Variants in CLIP1 observed in about 807,000 individuals in gnomAD.
CLIP1 encodes CAP-Gly domain containing linker protein 1.
In CLIP1, 66 loss-of-function variants were observed where a neutral mutation model predicts 161.6. The observed-to-expected ratio is 0.41, with a 90% CI of 0.33 to 0.50. CLIP1 has a LOEUF of 0.50. CLIP1 is among the 20% of genes least tolerant of loss of function. The probability of loss-of-function intolerance (pLI) is 0.27; values close to 1 mark genes in which losing one functional copy is unlikely to be tolerated. For missense variants in CLIP1, 1,376 were observed against 1,702.0 expected (o/e 0.81, Z 3.37); for synonymous variants, 598 against 626.2 (o/e 0.96, Z 0.67).
chr12:122,355,263 G>A lies in CLIP1; in HGVS notation c.1055C>T (p.Ala352Val). ...RYARKISGTT[A>V]LQEALKEKQQ... Reference sequence around the variant, plus strand: ...CTTCTCCTTCAGGGCCTCCTGGAGGGCAGTGGTACCGGAGATCTTCCTGGC... The same window carrying A: ...CTTCTCCTTCAGGGCCTCCTGGAGGACAGTGGTACCGGAGATCTTCCTGGC... The change falls in exon 6 of 26, where the codon GCC (alanine) becomes GTC (valine). Residue 352 changes from alanine (A) to valine (V), a missense_variant. Physicochemically the swap from Ala to Val is moderately conservative, Grantham distance 64. Around this residue, in one of 6 missense-constraint regions of CLIP1, gnomAD observed 211 missense variants for 295.1 expected, o/e 0.72. Transcript: ENST00000620786. This position sits in a 1 kb window ranked among gnomAD's most constrained non-coding sequence, Gnocchi z 4.1. 1 of 1,614,162 alleles carries A rather than the reference G, an allele frequency of 6.2e-7. No individual in the cohort carries two copies. Among genetic ancestry groups the A allele is most frequent in the South Asian group, 1.1e-5 (1 of 91,092 alleles).
chr12:122,286,895 G>A (rs567786853), intron 21 of CLIP1, among the ~76,000 whole-genome samples: 12 of 152,274 alleles, frequency 7.9e-5, no homozygotes, highest in Non-Finnish European at 1.3e-4. Flanking sequence ...CTACTCAGGA[G>A]GGGGAGGCAG....
At chr12:122,374,681 G>C (rs889259791) in intron 3 of CLIP1, among the ~76,000 whole-genome samples, 3 of 152,042 alleles carry the variant, frequency 2.0e-5, no homozygotes, top group Admixed American at 2.0e-4. Flanking sequence ...AGAACTGCTT[G>C]AACCCAGGAG....
At chr12:122,405,438 T>C (rs549785249) in intron 1 of CLIP1, among the ~76,000 whole-genome samples, 2 of 152,282 alleles carry the variant, frequency 1.3e-5, no homozygotes, top group East Asian at 3.9e-4. Flanking sequence ...CACGATATAT[T>C]ATATATAACT....
intron 1 of CLIP1, among the ~76,000 whole-genome samples, chr12:122,420,731 T>G (rs533461806): frequency 1.6e-4 from 25 of 151,722 alleles, no homozygotes; most frequent in Admixed American, 5.3e-4. Context: ...AGCCCAGGAG[T>G]TCGAAATCAG....
rs994724464 is a variant in CLIP1 at position 122,319,136 on chromosome 12, C to A, written c.3366+96G>T. On this transcript the variant is annotated intron_variant, in intron 18 of 25. Coordinates refer to ENST00000620786, the MANE Select transcript of CLIP1 (RefSeq NM_001247997.2). ...CATTTCAAACCTGTGTAAAGTCACA[C>A]ACTTCAAAAACATAAGCAATCCTGA... 6 of 816,674 alleles carry A rather than the reference C, an allele frequency of 7.3e-6. No individual in the cohort carries two copies. In the Admixed American group the frequency reaches 1.1e-4, roughly 15 times the overall value. The allele number at this position is 816,674 out of a possible 1,614,324, so 50.6% of individuals were successfully genotyped here. A position where few individuals can be genotyped will look rare whatever the true frequency, so the allele number is the denominator to read the frequency against.
chr12:122,295,774 T>A (rs1234809669), intron 20 of CLIP1, among the ~76,000 whole-genome samples: 1 of 152,264 alleles, frequency 6.6e-6, no homozygotes, highest in Non-Finnish European at 1.5e-5. Flanking sequence ...TTTTGCTTCA[T>A]GTATTTCGGG....
chr12:122,353,723 C>T (rs1189105126), intron 7 of CLIP1, among the ~76,000 whole-genome samples: 2 of 152,066 alleles, frequency 1.3e-5, no homozygotes, highest in African/African-American at 2.4e-5. Flanking sequence ...CTCTGCCACC[C>T]GGGTTCAAGC....
intron 1 of CLIP1, among the ~76,000 whole-genome samples, chr12:122,418,105 T>C (rs1956816085): frequency 6.6e-6 from 1 of 152,150 alleles, no homozygotes; most frequent in Admixed American, 6.6e-5. Context: ...ACAATAAATT[T>C]ACTTTTTGTT....
intron 11 of CLIP1, among the ~76,000 whole-genome samples, chr12:122,338,889 T>C (rs1362203258): frequency 6.6e-6 from 1 of 152,214 alleles, no homozygotes; most frequent in Non-Finnish European, 1.5e-5. Context: ...TTGAGAAAAA[T>C]TTCCTGTAAC....
At chr12:122,319,985 T>C (rs534661677) in intron 17 of CLIP1, among the ~76,000 whole-genome samples, 83 of 152,208 alleles carry the variant, frequency 5.5e-4, no homozygotes, top group African/African-American at 1.9e-3. Context: ...TATAAAAAGT[T>C]AGATATAGGC....
intron 20 of CLIP1, among the ~76,000 whole-genome samples, chr12:122,306,567 A>T (rs1175219718): frequency 6.6e-6 from 1 of 152,200 alleles, no homozygotes; most frequent in African/African-American, 2.4e-5. Flanking sequence ...AGGTCAGGGC[A>T]CTGCAGAGCC....
chr12:122,333,167 A>C, intron 14 of CLIP1, 24 bp from the exon 15 acceptor site: 1 of 1,580,032 alleles, frequency 6.3e-7, no homozygotes, highest in Non-Finnish European at 8.6e-7. Flanking sequence ...GAAAAAAAGA[A>C]TAGCACGGCT....
At chr12:122,277,856 G>T in intron 24 of CLIP1, 1 of 287,740 alleles carries the variant, frequency 3.5e-6, no homozygotes, top group East Asian at 6.4e-5. Context: ...AGGGAGGGAA[G>T]ACTGTATTAG....
chr12:122,277,912 C>A, intron 24 of CLIP1: 2 of 467,398 alleles, frequency 4.3e-6, no homozygotes, highest in Admixed American at 3.8e-5. Context: ...AAAGGAAAGA[C>A]ACAAATAACA....
chr12:122,348,884 G>A (rs1031937929), intron 9 of CLIP1, among the ~76,000 whole-genome samples: 12 of 152,280 alleles, frequency 7.9e-5, no homozygotes, highest in Admixed American at 7.8e-4. Context: ...GATTGCAAAC[G>A]TCTTCACTCA....
chr12:122,309,698 G>C (rs61733292), intron 20 of CLIP1, 64 bp downstream of exon 20: 5 of 1,597,402 alleles, frequency 3.1e-6, no homozygotes, highest in Non-Finnish European at 4.3e-6. Flanking sequence ...GCCTCTGAGC[G>C]TGCTGCCAAC....
chr12:122,281,568 T>A (rs1408935245), intron 21 of CLIP1, among the ~76,000 whole-genome samples: 2 of 151,754 alleles, frequency 1.3e-5, no homozygotes, highest in African/African-American at 2.4e-5. Context: ...TGGCAGCGCA[T>A]GCTTGTTGTC....
chr12:122,321,225 T>C (rs1951488497), intron 17 of CLIP1, among the ~76,000 whole-genome samples: 1 of 151,778 alleles, frequency 6.6e-6, no homozygotes, highest in Non-Finnish European at 1.5e-5. Flanking sequence ...TATATTTCAA[T>C]ATGTGCCAAT....
intron 1 of CLIP1, chr12:122,395,866 C>T (rs1229724021): frequency 6.6e-6 from 1 of 152,242 alleles, no homozygotes; most frequent in East Asian, 1.9e-4. Context: ...AATCGCAGTA[C>T]TTTGGGAGGC....
Sources: gnomAD v4.1 joint callset for allele counts (sites outside exome capture counted in the v4.1 genomes callset) on GRCh38, gnomAD v4.1.1 for gene constraint, gnomAD v4.1.1 regional missense constraint, Gnocchi (gnomAD v3.1) non-coding constraint, MANE v1.5 for transcripts, NCBI Gene and HGNC (gene_info 2026-07-23, HGNC 2026-07-21) for gene names.